Variants in ADGRE2 observed in about 807,000 individuals in gnomAD.
ADGRE2 encodes CD97 antigen.
In ADGRE2, 83 loss-of-function variants were observed where a neutral mutation model predicts 100.8. That is an observed-to-expected ratio of 0.82 (90% CI 0.69 to 0.99). ADGRE2 has a LOEUF of 0.99. Ranked by LOEUF, ADGRE2 falls within the 50% of genes least tolerant of loss-of-function variation. ADGRE2 has a pLI of 0.00. For synonymous variants in ADGRE2, 355 were observed against 413.0 expected, an observed-to-expected ratio of 0.86 and a Z score of 1.70; for missense variants, 814 against 1,035.7, an observed-to-expected ratio of 0.79 and a Z score of 2.94.
chr19:14,776,966 C>A, intron 1 of ADGRE2, 39 bp from the exon 2 acceptor site: 1 of 1,222,748 alleles, frequency 8.2e-7, no homozygotes, highest in Non-Finnish European at 1.1e-6. Context: ...AACACAGAAC[C>A]AGGGGCGCTG....
chr19:14,725,485 G>A, the ADGRE2 span, among the ~76,000 whole-genome samples: 3 of 152,180 alleles, frequency 2.0e-5, no homozygotes, highest in East Asian at 5.8e-4. Flanking sequence ...AAAGTCCCAA[G>A]TCCCAAGTCA....
chr19:14,746,032 A>G (rs1432880745), intron 18 of ADGRE2, among the ~76,000 whole-genome samples, 200 bp downstream of exon 18: 1 of 152,232 alleles, frequency 6.6e-6, no homozygotes, highest in Non-Finnish European at 1.5e-5. Context: ...GAGATTAGAC[A>G]TGGACAAAAC....
chr19:14,741,896 T>C, intron 20 of ADGRE2: 1 of 397,394 alleles, frequency 2.5e-6, no homozygotes, highest in Non-Finnish European at 4.4e-6. Flanking sequence ...GTGAGAAAAA[T>C]ACAACAGAAC....
rs575923656 is a variant in ADGRE2, at chr19:14,769,160, C to T, written c.356-2051G>A. On this transcript the variant is annotated intron_variant, in intron 5 of 20. Transcript: ENST00000315576. ...ATCCCAGCACTTTGGGAGGCTGAGA[C>T]GGGCGGATCACTTGAGGCCAGGAGT... Among the ~76,000 whole-genome samples the T allele has an allele frequency of 3.9e-5, 6 of 152,142 alleles. No homozygotes were observed. In the East Asian group the frequency reaches 5.8e-4, roughly 15 times the overall value.
rs555608099 is a variant in ADGRE2, at chr19:14,776,854, G to T, written c.-98C>A. 1.4e-4 allele frequency: 216 copies of T among 1,571,658 alleles called. No individual in the cohort carries two copies. The African/African-American group carries it at 2.7e-3, about 20-fold the overall frequency. On this transcript the variant is annotated 5_prime_UTR_variant, in exon 2 of 21. Coordinates refer to ENST00000315576, the MANE Select transcript of ADGRE2 (RefSeq NM_013447.4). ...GCTGGGCAGCTGTGCGGGCTGTCCC[G>T]AGGCCAGGACTTTATAAAGGAGGGG...
chr19:14,777,129 C>T (rs1007323707), intron 1 of ADGRE2: 35 of 982,926 alleles, frequency 3.6e-5, no homozygotes, highest in Non-Finnish European at 4.1e-5. Context: ...AGGCTGGCTG[C>T]TGTGCAGGGG....
intron 20 of ADGRE2, among the ~76,000 whole-genome samples, chr19:14,737,956 G>A (rs566414598): frequency 6.8e-6 from 1 of 146,186 alleles, no homozygotes; most frequent in South Asian, 2.1e-4. Flanking sequence ...CAGTCTGGGC[G>A]ACAGAGTAAA....
intron 16 of ADGRE2, among the ~76,000 whole-genome samples, chr19:14,747,886 G>C (rs922496983): frequency 2.0e-5 from 3 of 152,014 alleles, no homozygotes; most frequent in Admixed American, 6.6e-5. Flanking sequence ...GATATATTAC[G>C]TTTTGTTTAT....
Position 14,756,337 on chromosome 19 carries a change from G to A in ADGRE2, c.1093C>T (p.Leu365=). The A allele has an allele frequency of 1.2e-6, 2 of 1,613,106 alleles. No individual in the cohort carries two copies. The highest frequency in any genetic ancestry group is 8.5e-7 in the Non-Finnish European group (1 of 1,179,154). Residue 365 remains leucine, a synonymous_variant, in exon 12 of 21, where the codon CTG becomes TTG. Coordinates refer to ENST00000315576, the MANE Select transcript of ADGRE2 (RefSeq NM_013447.4). The part of the protein sequence containing the change: ...FSYPAGTELS[L]EVQKQVDRSV... ...CTGTCTACTTGCTTCTGCACCTCCAGGGACAATTCTATGAGTTGTGGGAAT... is the reference window on the plus strand; with the variant it reads ...CTGTCTACTTGCTTCTGCACCTCCAAGGACAATTCTATGAGTTGTGGGAAT...
intron 16 of ADGRE2, among the ~76,000 whole-genome samples, chr19:14,748,602 C>T (rs1242032571): frequency 2.0e-5 from 3 of 152,184 alleles, no homozygotes; most frequent in Non-Finnish European, 4.4e-5. Flanking sequence ...CCACCGCACC[C>T]GGCCGATCTC....
chr19:14,769,526 T>C (rs1041026734), intron 5 of ADGRE2, among the ~76,000 whole-genome samples: 1 of 152,084 alleles, frequency 6.6e-6, no homozygotes, highest in Non-Finnish European at 1.5e-5. Flanking sequence ...TTCCCTGAGC[T>C]GAGGCTTCAA....
Position 14,738,127 on chromosome 19 carries a change from C to T in ADGRE2, c.2464-1883G>A, listed in dbSNP as rs1027862559. ...TAAGGTGATAGATATCTTAGTTACC[C>T]TGATTTGCTTATATGAGTGTAGCAA... On this transcript the variant is annotated intron_variant, in intron 20 of 20. Coordinates refer to ENST00000315576, the MANE Select transcript of ADGRE2 (RefSeq NM_013447.4). Among the ~76,000 whole-genome samples the T allele has an allele frequency of 5.9e-5, 9 of 152,004 alleles. 1 individual carries two copies. Among genetic ancestry groups the T allele is most frequent in the Non-Finnish European group, 1.2e-4 (8 of 68,010 alleles).
At chr19:14,759,501 A>ATT (rs1044738360) in intron 11 of ADGRE2, among the ~76,000 whole-genome samples, 9 of 86,206 alleles carry the variant, frequency 1.0e-4, no homozygotes, top group African/African-American at 4.3e-4. Flanking sequence ...ATATATATAT[A>ATT]TATTTTTTTT....
chr19:14,753,022 G>A (rs1395996681), intron 14 of ADGRE2, among the ~76,000 whole-genome samples: 3 of 151,660 alleles, frequency 2.0e-5, no homozygotes, highest in African/African-American at 4.8e-5. Flanking sequence ...CACCCGCCTC[G>A]GCCTCCCAAA....
intron 18 of ADGRE2, among the ~76,000 whole-genome samples, chr19:14,745,057 T>G (rs1484454352): frequency 6.6e-6 from 1 of 151,782 alleles, no homozygotes; most frequent in Non-Finnish European, 1.5e-5. Context: ...GCCCAGCTAA[T>G]TTTTGTATTT....
intron 1 of ADGRE2, 78 bp from the exon 2 acceptor site, chr19:14,777,005 CACA>C: frequency 7.3e-7 from 1 of 1,373,940 alleles, no homozygotes; most frequent in Non-Finnish European, 9.4e-7. Flanking sequence ...CACACACACA[CACA>C]CACACACGTG....
At chr19:14,764,712 T>C in intron 10 of ADGRE2, 102 bp from the exon 11 acceptor site, 1 of 1,263,278 alleles carries the variant, frequency 7.9e-7, no homozygotes, top group African/African-American at 1.5e-5. Context: ...AGACTGTCTA[T>C]CTGGGGGATG....
intron 2 of ADGRE2, chr19:14,776,502 G>T: frequency 3.4e-6 from 2 of 589,832 alleles, no homozygotes; most frequent in Non-Finnish European, 6.0e-6. Flanking sequence ...TCCGGGCAGG[G>T]TAGCAGGCTC....
At chr19:14,756,447 C>G (rs1255978566) in intron 11 of ADGRE2, 102 bp from the exon 12 acceptor site, 4 of 741,488 alleles carry the variant, frequency 5.4e-6, no homozygotes, top group Non-Finnish European at 9.3e-6. Flanking sequence ...CATATATAGT[C>G]TGAAGTTACA....
Sources: gnomAD v4.1 joint callset for allele counts (sites outside exome capture counted in the v4.1 genomes callset) on GRCh38, gnomAD v4.1.1 for gene constraint, MANE v1.5 for transcripts, NCBI Gene and HGNC (gene_info 2026-07-23, HGNC 2026-07-21) for gene names.